The following ACSM3 variants were observed in gnomAD, a reference collection of about 807,000 sequenced individuals.
ACSM3 encodes acyl-coenzyme A synthetase ACSM3, mitochondrial.
In ACSM3, 61 loss-of-function variants were observed where a neutral mutation model predicts 74.1. The observed-to-expected ratio is 0.82, with a 90% CI of 0.67 to 1.02. ACSM3 has a LOEUF of 1.02. Ranked by LOEUF, ACSM3 falls within the 50% of genes least tolerant of loss-of-function variation. The pLI, the probability that ACSM3 is intolerant of heterozygous loss-of-function variation, is 0.00. For synonymous variants in ACSM3, 213 were observed against 241.5 expected (o/e 0.88, Z 1.09); for missense variants, 660 against 697.0 (o/e 0.95, Z 0.60).
At chr16:20,741,383 A>G in intron 1 of ACSM3, 1 of 1,219,124 alleles carries the variant, frequency 8.2e-7, no homozygotes, top group Non-Finnish European at 1.1e-6. Flanking sequence ...CGGCGAGGCC[A>G]CGCCCCTACA....
At chr16:20,741,481 G>GGGGGGGGGGCGCCCCCCCCCCCCCCC in intron 1 of ACSM3, 1 of 1,308,412 alleles carries the variant, frequency 7.6e-7, no homozygotes, top group Non-Finnish European at 9.9e-7. Context: ...CTGGCAGCCG[G>GGGGGGGGGGCGCCCCCCCCCCCCCCC]CCCGCCCGCC....
chr16:20,756,509 A>G (rs2080032913), intron 3 of ACSM3, among the ~76,000 whole-genome samples: 1 of 151,920 alleles, frequency 6.6e-6, no homozygotes, highest in Non-Finnish European at 1.5e-5. Context: ...AATCTGTTTG[A>G]GTTCATTGTA....
chr16:20,696,065 A>G (rs1164305417), intron 1 of ACSM3, among the ~76,000 whole-genome samples: 1 of 152,238 alleles, frequency 6.6e-6, no homozygotes, highest in Non-Finnish European at 1.5e-5. Context: ...GACTGCCTAC[A>G]GTATTTAATA....
At chr16:20,793,759 T>C (rs975086143) in intron 12 of ACSM3, among the ~76,000 whole-genome samples, 1 of 152,220 alleles carries the variant, frequency 6.6e-6, no homozygotes, top group Non-Finnish European at 1.5e-5. Flanking sequence ...CTTGTCTCTT[T>C]GCTCTGAACA....
intron 1 of ACSM3, chr16:20,766,564 T>G (rs913394032): frequency 3.9e-5 from 6 of 151,976 alleles, no homozygotes; most frequent in African/African-American, 1.5e-4. Flanking sequence ...CTCTAAAAAA[T>G]TTTTTAAAAC....
In ACSM3 at chr16:20,796,939, T is replaced by A; in HGVS notation, c.1728T>A (p.Asn576Lys). The A allele has an allele frequency of 6.2e-7, 1 of 1,612,968 alleles. No homozygotes were observed. The highest frequency in any genetic ancestry group is 2.2e-5 in the East Asian group (1 of 44,742). ...CTATCAGTGGGAAGACAAAAAGAAA[T>A]GAACTGAGGAAGAAAGAATGGAAGA... is the stretch of plus-strand genomic sequence containing the variant. ...PKTISGKTKR[N>K]ELRKKEWKTI The change falls in exon 14 of 14, where the codon AAT becomes AAA. Residue 576 changes from asparagine to lysine, a missense_variant. Transcript: ENST00000289416.
intron 1 of ACSM3, among the ~76,000 whole-genome samples, chr16:20,684,567 T>A (rs1280347586): frequency 6.6e-6 from 1 of 152,170 alleles, no homozygotes; most frequent in Non-Finnish European, 1.5e-5. Flanking sequence ...AAATACAAAT[T>A]TGGAGATATA....
chr16:20,726,833 C>T (rs1220764711), intron 1 of ACSM3, among the ~76,000 whole-genome samples: 1 of 152,194 alleles, frequency 6.6e-6, no homozygotes, highest in African/African-American at 2.4e-5. Context: ...ATCACCTTGA[C>T]AAGTGGGAGG....
chr16:20,718,005 GAAGAAGAAGAAGAAGAAGAA>G (rs1567323288), intron 1 of ACSM3, among the ~76,000 whole-genome samples: 3 of 147,706 alleles, frequency 2.0e-5, no homozygotes, highest in African/African-American at 7.7e-5. Flanking sequence ...AGAAGAAGAA[GAAGAAGAAGAAGAAGAAGAA>G]GAAAAGAAAG....
chr16:20,685,438 C>G, intron 1 of ACSM3: 1 of 1,602,198 alleles, frequency 6.2e-7, no homozygotes, highest in Non-Finnish European at 8.5e-7. Flanking sequence ...TTATTTTCTG[C>G]TTCAAAGAAA....
chr16:20,676,397 G>C (rs1473761975), intron 1 of ACSM3, among the ~76,000 whole-genome samples: 1 of 152,218 alleles, frequency 6.6e-6, no homozygotes, highest in Non-Finnish European at 1.5e-5. Flanking sequence ...GCACCAGCCA[G>C]TTTTAAGAAA....
intron 1 of ACSM3, among the ~76,000 whole-genome samples, chr16:20,742,813 A>ATATATTT (rs61582869): frequency 2.8e-3 from 189 of 66,816 alleles, no homozygotes; most frequent in South Asian, 9.4e-3. Context: ...ATATATATAT[A>ATATATTT]TTTTTTTTTT....
At chr16:20,725,397 C>A (rs570693146) in intron 1 of ACSM3, 17 of 246,028 alleles carry the variant, frequency 6.9e-5, no homozygotes, top group Non-Finnish European at 1.4e-4. Flanking sequence ...CCCTGTGCAG[C>A]CCTCCCACCA....
chr16:20,778,086 C>A (rs1256470543), intron 4 of ACSM3, among the ~76,000 whole-genome samples: 3 of 152,236 alleles, frequency 2.0e-5, no homozygotes, highest in Admixed American at 6.5e-5. Flanking sequence ...AGAGTGCTCC[C>A]AGCACCTGTC....
chr16:20,751,551 C>T (rs1006128301), intron 2 of ACSM3, among the ~76,000 whole-genome samples: 3 of 152,148 alleles, frequency 2.0e-5, no homozygotes, highest in African/African-American at 7.2e-5. Context: ...CCCATTTTGA[C>T]TGACTTATGC....
At chr16:20,753,715 T>A (rs2080006077) in intron 2 of ACSM3, among the ~76,000 whole-genome samples, 1 of 151,904 alleles carries the variant, frequency 6.6e-6, no homozygotes. Flanking sequence ...TTTTGAGAAA[T>A]TTTGCTGTAA....
chr16:20,769,058 A>G (rs926612508), intron 1 of ACSM3, among the ~76,000 whole-genome samples: 2 of 152,236 alleles, frequency 1.3e-5, no homozygotes, highest in Non-Finnish European at 2.9e-5. Flanking sequence ...TGTTTTGGCA[A>G]TGTATCAATA....
intron 1 of ACSM3, chr16:20,741,852 G>T (rs1350684074): frequency 6.5e-7 from 1 of 1,536,178 alleles, no homozygotes; most frequent in Non-Finnish European, 8.7e-7. Context: ...TCCCCTAGCC[G>T]GCCTCGAAGC....
chr16:20,722,791 G>C (rs938963767), intron 1 of ACSM3, among the ~76,000 whole-genome samples: 1 of 152,172 alleles, frequency 6.6e-6, no homozygotes, highest in East Asian at 1.9e-4. Context: ...CTGTAGGTTT[G>C]TTACTGTAAG....
Sources: allele counts gnomAD v4.1 joint callset (sites outside exome capture counted in the v4.1 genomes callset), GRCh38; gene constraint gnomAD v4.1.1; transcripts MANE v1.5; gene names NCBI Gene and HGNC (gene_info 2026-07-23, HGNC 2026-07-21).